Variants in DPP10 observed in about 807,000 individuals in gnomAD.
The protein encoded by DPP10 is inactive dipeptidyl peptidase 10.
A neutral mutation model predicts 120.9 loss-of-function variants in DPP10; 33 were observed. The observed-to-expected ratio is 0.27, with a 90% CI of 0.21 to 0.37. DPP10 has a LOEUF of 0.37. Among genes scored for constraint, DPP10 ranks in the 10% least tolerant of loss-of-function variants. The pLI, the probability that DPP10 is intolerant of heterozygous loss-of-function variation, is 1.00. For missense variants in DPP10, 816 were observed against 942.8 expected, an observed-to-expected ratio of 0.87 and a Z score of 1.76; for synonymous variants, 337 against 326.1, an observed-to-expected ratio of 1.03 and a Z score of -0.36.
intron 1 of DPP10, among the ~76,000 whole-genome samples, chr2:115,041,893 C>G (rs1029688953): frequency 6.6e-6 from 1 of 152,082 alleles, no homozygotes; most frequent in Non-Finnish European, 1.5e-5. Flanking sequence ...ATGCCATGAG[C>G]CCACAGGTCC....
At chr2:115,259,387 G>A (rs1234118170) in intron 1 of DPP10, among the ~76,000 whole-genome samples, 1 of 151,954 alleles carries the variant, frequency 6.6e-6, no homozygotes, top group Non-Finnish European at 1.5e-5. Flanking sequence ...GGGAGGCTGA[G>A]GCATGAGAAT....
chr2:115,786,944 A>G (rs1202710755), intron 17 of DPP10, among the ~76,000 whole-genome samples: 1 of 152,188 alleles, frequency 6.6e-6, no homozygotes, highest in Non-Finnish European at 1.5e-5. Flanking sequence ...AGTGTGGGCA[A>G]TGCCGGAGCT....
At chr2:115,120,213 C>T (rs987659423) in intron 1 of DPP10, among the ~76,000 whole-genome samples, 2 of 152,144 alleles carry the variant, frequency 1.3e-5, no homozygotes, top group Admixed American at 6.5e-5. Context: ...TTTTGTGATT[C>T]CAGCAATTCC....
chr2:114,557,448 A>AACAC (rs1427795609), intron 1 of DPP10, among the ~76,000 whole-genome samples: 1 of 152,222 alleles, frequency 6.6e-6, no homozygotes, highest in Non-Finnish European at 1.5e-5. Context: ...AGTGGAGACC[A>AACAC]ACACGCCATC....
chr2:114,465,208 T>C (rs927355239), intron 1 of DPP10, among the ~76,000 whole-genome samples: 1 of 152,228 alleles, frequency 6.6e-6, no homozygotes, highest in African/African-American at 2.4e-5. Context: ...AAAATGAAGA[T>C]AATATCGTCC....
chr2:114,945,510 C>A (rs781095094), intron 1 of DPP10, among the ~76,000 whole-genome samples: 9 of 152,008 alleles, frequency 5.9e-5, no homozygotes, highest in Non-Finnish European at 1.3e-4. Context: ...TGGAAAATTG[C>A]AAATTAAAAC....
intron 3 of DPP10, among the ~76,000 whole-genome samples, chr2:115,352,260 A>T (rs1382390357): frequency 6.6e-6 from 1 of 152,168 alleles, no homozygotes; most frequent in Non-Finnish European, 1.5e-5. Context: ...GATTTTTAAA[A>T]TAAGAAAAAA....
At chr2:114,619,596 T>G (rs1440602383) in intron 1 of DPP10, among the ~76,000 whole-genome samples, 1 of 151,998 alleles carries the variant, frequency 6.6e-6, no homozygotes, top group African/African-American at 2.4e-5. Context: ...GCTTTTATCA[T>G]GTTACACCTG....
At chr2:114,770,752 C>A (rs752191353) in intron 1 of DPP10, among the ~76,000 whole-genome samples, 2 of 152,122 alleles carry the variant, frequency 1.3e-5, no homozygotes, top group Admixed American at 1.3e-4. Context: ...CTCTGAATTT[C>A]TTTTATACCT....
chr2:115,016,687 G>C (rs1056166011), intron 1 of DPP10, among the ~76,000 whole-genome samples: 1 of 151,684 alleles, frequency 6.6e-6, no homozygotes, highest in Non-Finnish European at 1.5e-5. Flanking sequence ...CAACAAGTGG[G>C]CAAAGGATAT....
intron 2 of DPP10, among the ~76,000 whole-genome samples, chr2:115,335,993 T>G (rs2063106724): frequency 6.6e-6 from 1 of 152,096 alleles, no homozygotes; most frequent in Admixed American, 6.6e-5. Flanking sequence ...TAATAGGAAA[T>G]TATTTTGAAT....
chr2:115,387,103 CTG>C lies in DPP10; in HGVS notation c.271+43194_271+43195del, dbSNP rs536296354. Among the ~76,000 whole-genome samples, 314 of 152,136 alleles carry C rather than the reference CTG, an allele frequency of 2.1e-3. 2 individuals are homozygous for C. Among genetic ancestry groups the C allele is most frequent in the African/African-American group, 7.3e-3 (304 of 41,514 alleles). ...GATGAGATCTCTGCAGGTCCTGGGT[CTG>C]TGGTGCTTATGAACATTTTCCTCCT... is the stretch of plus-strand genomic sequence containing the variant. On this transcript the variant is annotated intron_variant, in intron 3 of 25. Transcript: ENST00000410059.
At chr2:114,463,804 C>T (rs1482013896) in intron 1 of DPP10, among the ~76,000 whole-genome samples, 1 of 152,182 alleles carries the variant, frequency 6.6e-6, no homozygotes, top group Non-Finnish European at 1.5e-5. Context: ...AGTCAACTGT[C>T]TCCCTCCCCA....
At chr2:114,496,191 G>T (rs1573489212) in intron 1 of DPP10, among the ~76,000 whole-genome samples, 1 of 152,000 alleles carries the variant, frequency 6.6e-6, no homozygotes, top group South Asian at 2.1e-4. Flanking sequence ...AGATGTTTGG[G>T]GTTCTTAGGA....
At chr2:114,697,749 C>CAAA (rs1205351658) in intron 1 of DPP10, among the ~76,000 whole-genome samples, 53 of 89,022 alleles carry the variant, frequency 6.0e-4, no homozygotes, top group African/African-American at 1.1e-3. Context: ...GACTCTGTCT[C>CAAA]AAAAAAAAAA....
At chr2:115,672,650 CTCTT>C (rs1206095282) in intron 5 of DPP10, among the ~76,000 whole-genome samples, 2 of 68,780 alleles carry the variant, frequency 2.9e-5, no homozygotes, top group Admixed American at 1.7e-4. Context: ...CTTTCTCTCT[CTCTT>C]TCTTTCTTTC....
At chr2:115,348,449 TCTC>T (rs2063819434) in intron 3 of DPP10, among the ~76,000 whole-genome samples, 1 of 152,178 alleles carries the variant, frequency 6.6e-6, no homozygotes, top group African/African-American at 2.4e-5. Flanking sequence ...TTTTGTTTTT[TCTC>T]GATTTTTTTC....
intron 3 of DPP10, among the ~76,000 whole-genome samples, chr2:115,459,894 T>C (rs1517366): frequency 0.15 from 21,008 of 142,486 alleles, 3,271 homozygotes; most frequent in African/African-American, 0.38. Flanking sequence ...GGTAAAATTA[T>C]TTTCAAGGCT....
At chr2:115,073,300 T>G (rs1419613336) in intron 1 of DPP10, among the ~76,000 whole-genome samples, 1 of 152,252 alleles carries the variant, frequency 6.6e-6, no homozygotes, top group East Asian at 1.9e-4. Flanking sequence ...TTAAAAGTTC[T>G]AAAACCTGAA....
Sources: gnomAD v4.1 joint callset for allele counts (sites outside exome capture counted in the v4.1 genomes callset) on GRCh38, gnomAD v4.1.1 for gene constraint, MANE v1.5 for transcripts, NCBI Gene and HGNC (gene_info 2026-07-23, HGNC 2026-07-21) for gene names.